Variants in FAM47E observed in about 807,000 individuals in gnomAD.
FAM47E encodes protein FAM47E.
A neutral mutation model predicts 41.6 loss-of-function variants in FAM47E; 32 were observed. The ratio of observed to expected loss-of-function variants is 0.77; its 90% confidence interval spans 0.58 to 1.03. FAM47E has a LOEUF of 1.03. Among genes scored for constraint, FAM47E ranks in the 50% least tolerant of loss-of-function variants. The pLI, the probability that FAM47E is intolerant of heterozygous loss-of-function variation, is 0.00. For missense variants in FAM47E, 424 were observed against 485.4 expected, an observed-to-expected ratio of 0.87 and a Z score of 1.19; for synonymous variants, 184 against 188.7, an observed-to-expected ratio of 0.98 and a Z score of 0.20.
intron 2 of FAM47E, among the ~76,000 whole-genome samples, chr4:76,229,085 T>G (rs1347466521): frequency 6.6e-6 from 1 of 152,184 alleles, no homozygotes; most frequent in Non-Finnish European, 1.5e-5. Context: ...AGCCTTGTTT[T>G]CAAGCTCTGA....
At chr4:76,222,336 C>T (rs545333578) in intron 2 of FAM47E, among the ~76,000 whole-genome samples, 2 of 152,152 alleles carry the variant, frequency 1.3e-5, no homozygotes, top group African/African-American at 2.4e-5. Context: ...AAGCAATCCT[C>T]GTGCCTTGGC....
In FAM47E at chr4:76,263,760, G is replaced by T. The variant is rs1183541859; in HGVS notation, c.477G>T (p.Trp159Cys). ...CTGACCGGAAGCTGGAGGACACATG[G>T]GCTTATTGTCAGGACACCAGGAAAG... ...LDPDRKLEDT[W>C]AYCQDTRKGM... Residue 159 changes from tryptophan (W) to cysteine (C), a missense_variant, in exon 3 of 8, where the codon TGG becomes TGT. By Grantham distance (215) the Trp-to-Cys change is radical (BLOSUM62 -2). Transcript: ENST00000424749. The T allele has an allele frequency of 1.3e-6, 2 of 1,551,462 alleles. No individual in the cohort carries two copies. Among genetic ancestry groups the T allele is most frequent in the Admixed American group, 3.9e-5 (2 of 50,954 alleles).
chr4:76,227,368 A>G (rs1733416460), intron 2 of FAM47E, among the ~76,000 whole-genome samples: 1 of 152,118 alleles, frequency 6.6e-6, no homozygotes. Flanking sequence ...TTTTGGAGTT[A>G]ATTTTCAGTT....
chr4:76,272,604 A>G (rs1272628509), intron 5 of FAM47E, among the ~76,000 whole-genome samples: 1 of 152,220 alleles, frequency 6.6e-6, no homozygotes, highest in African/African-American at 2.4e-5. Flanking sequence ...TATGAAAACT[A>G]TGCATTTCAT....
rs372327970 is a variant in FAM47E, at chr4:76,276,355, C to CTTTTTGTTTCG, written c.871-1709_871-1708insGTTTCGTTTTT. ...GGCAAAGACTGTTGGGAGGGGGTTA[C>CTTTTTGTTTCG]TTTTTTTTGTTTGTTTGTTTTTTTG... On this transcript the variant is annotated intron_variant, in intron 5 of 7. Transcript: ENST00000424749. 6.3e-4 allele frequency among the ~76,000 whole-genome samples: 62 copies of CTTTTTGTTTCG among 97,886 alleles called. 3 individuals are homozygous for CTTTTTGTTTCG. The South Asian group carries it at 0.021, about 33-fold the overall frequency. 64.2% of individuals were successfully genotyped at this position (97,886 alleles called of 152,430 possible). A position where few individuals can be genotyped will look rare whatever the true frequency, so the allele number is the denominator to read the frequency against.
rs1257786261 is a variant in FAM47E at position 76,263,821 on chromosome 4, T to A, written c.538T>A (p.Ser180Thr). The A allele has an allele frequency of 6.4e-7, 1 of 1,551,340 alleles. No homozygotes were observed. Among genetic ancestry groups the A allele is most frequent in the East Asian group, 2.4e-5 (1 of 40,920 alleles). ...KEPTKLLKKH[S>T]TQVYLGPSKK... Reference sequence around the variant, plus strand: ...ACCCACGAAGCTTTTAAAAAAACATTCTACCCAAGTCTACCTGGGACCGTG... The same window carrying A: ...ACCCACGAAGCTTTTAAAAAAACATACTACCCAAGTCTACCTGGGACCGTG... Residue 180 changes from serine to threonine, a missense_variant, in exon 3 of 8, where the codon TCT becomes ACT. Physicochemically the swap from Ser to Thr is moderately conservative, Grantham distance 58. Transcript: ENST00000424749.
At chr4:76,273,997 C>T (rs892707372) in intron 5 of FAM47E, among the ~76,000 whole-genome samples, 2 of 151,984 alleles carry the variant, frequency 1.3e-5, no homozygotes, top group African/African-American at 4.8e-5. Flanking sequence ...TCACCTTTTG[C>T]GCATAAAAAA....
rs779559871 is a variant in FAM47E at position 76,251,853 on chromosome 4, C to T, written c.74+33C>T. The stretch of plus-strand genomic sequence containing the variant: ...CTCAGCGCCCGGGCCGAGGGCGCAT[C>T]CCACGCGGGCCGCGCGGGGGCGCCT... On this transcript the variant is annotated intron_variant, in intron 1 of 7. Transcript: ENST00000424749. 1,771 of 1,376,206 alleles carry T rather than the reference C, an allele frequency of 1.3e-3. 13 individuals carry two copies. The highest frequency in any genetic ancestry group is 8.3e-4 in the Non-Finnish European group (890 of 1,071,314). The allele number at this position is 1,376,206 out of a possible 1,614,324, so 85.2% of individuals were successfully genotyped here. A position where few individuals can be genotyped will look rare whatever the true frequency, so the allele number is the denominator to read the frequency against.
intron 2 of FAM47E, among the ~76,000 whole-genome samples, chr4:76,258,062 A>G (rs531818623): frequency 6.6e-6 from 1 of 152,200 alleles, no homozygotes; most frequent in Admixed American, 6.5e-5. Flanking sequence ...TCCATGACAA[A>G]GAGATTGATT....
At position 76,228,090 on chromosome 4, in the gene FAM47E, C is replaced by CTTT. The variant is rs71659315; in HGVS notation, c.81+10409_81+10411dup. Among the ~76,000 whole-genome samples the CTTT allele has an allele frequency of 5.3e-5, 8 of 150,250 alleles. No individual in the cohort carries two copies. The South Asian group carries it at 6.3e-4, about 12-fold the overall frequency. On this transcript the variant is annotated intron_variant, in intron 2 of 7. Transcript: ENST00000510197. ...ATTGTGCTAGTTGGTGCCTGAATACCTTTTTTTTTCATTGTGTTGTTGTTT... is the reference window on the plus strand; with the variant it reads ...ATTGTGCTAGTTGGTGCCTGAATACCTTTTTTTTTTTTCATTGTGTTGTTGTTT...
chr4:76,251,115 C>G (rs1340335281), upstream of FAM47E, among the ~76,000 whole-genome samples: 1 of 152,102 alleles, frequency 6.6e-6, no homozygotes, highest in Non-Finnish European at 1.5e-5. Context: ...CACCCTCGTG[C>G]AATCCGTATT....
At chr4:76,225,488 A>G (rs930740475) in intron 2 of FAM47E, among the ~76,000 whole-genome samples, 3 of 152,170 alleles carry the variant, frequency 2.0e-5, no homozygotes, top group African/African-American at 7.2e-5. Context: ...AATGCTTTCA[A>G]CTTTTCCCCA....
chr4:76,225,185 G>A (rs1335452815), intron 2 of FAM47E, among the ~76,000 whole-genome samples: 1 of 151,976 alleles, frequency 6.6e-6, no homozygotes, highest in African/African-American at 2.4e-5. Flanking sequence ...TTATCCACTC[G>A]CACTCGTTGG....
At chr4:76,234,111 C>T (rs1201143910) in intron 2 of FAM47E, among the ~76,000 whole-genome samples, 2 of 152,142 alleles carry the variant, frequency 1.3e-5, no homozygotes, top group Non-Finnish European at 1.5e-5. Context: ...GGCCATGTGT[C>T]TCAGCCCAGG....
chr4:76,268,462 AATC>A (rs1734736443), intron 3 of FAM47E, 195 bp from the exon 4 acceptor site: 6 of 527,464 alleles, frequency 1.1e-5, no homozygotes, highest in Middle Eastern at 9.9e-4. Flanking sequence ...TATTATAACT[AATC>A]ATGATATACT....
intron 3 of FAM47E, 128 bp downstream of exon 3, chr4:76,263,971 G>C: frequency 7.4e-7 from 1 of 1,357,684 alleles, no homozygotes; most frequent in African/African-American, 1.5e-5. Context: ...TCCCAAGGAA[G>C]AGGGAAAGGA....
chr4:76,235,186 C>T (rs1385309946), intron 2 of FAM47E, among the ~76,000 whole-genome samples: 1 of 151,976 alleles, frequency 6.6e-6, no homozygotes, highest in African/African-American at 2.4e-5. Flanking sequence ...GGCGTGGTGG[C>T]GGGCTTCTGT....
intron 2 of FAM47E, among the ~76,000 whole-genome samples, chr4:76,220,432 G>T (rs1733287932): frequency 6.6e-6 from 1 of 152,108 alleles, no homozygotes; most frequent in Admixed American, 6.5e-5. Flanking sequence ...TTCAAGACTA[G>T]CCTGGGCATC....
rs1734602011 is a variant in FAM47E at position 76,265,696 on chromosome 4, G to C, written c.560+1853G>C. On this transcript the variant is annotated intron_variant, in intron 3 of 7. Coordinates refer to ENST00000424749, the MANE Select transcript of FAM47E (RefSeq NM_001136570.3). ...GGCCCCTAGATTGTCTTAGAATGTG[G>C]CTGGTCATCAGAAAGACCAAGTGAT... Among the ~76,000 whole-genome samples the C allele has an allele frequency of 1.3e-5, 2 of 152,128 alleles. 1 individual carries two copies. Among genetic ancestry groups the C allele is most frequent in the Admixed American group, 1.3e-4 (2 of 15,264 alleles).
Sources: gnomAD v4.1 joint callset for allele counts (sites outside exome capture counted in the v4.1 genomes callset) on GRCh38, gnomAD v4.1.1 for gene constraint, MANE v1.5 for transcripts, NCBI Gene and HGNC (gene_info 2026-07-23, HGNC 2026-07-21) for gene names.